Variants in PRKCE observed in about 807,000 individuals in gnomAD.
The protein encoded by PRKCE is protein kinase C epsilon type.
In PRKCE, 16 loss-of-function variants were observed where a neutral mutation model predicts 85.4. That is an observed-to-expected ratio of 0.19 (90% CI 0.13 to 0.28). The LOEUF is 0.28. Ranked by LOEUF, PRKCE falls within the 10% of genes least tolerant of loss-of-function variation. PRKCE has a pLI of 1.00. For missense variants in PRKCE, 573 were observed against 975.2 expected (o/e 0.59, Z 5.49); for synonymous variants, 388 against 371.5 (o/e 1.04, Z -0.51).
intron 1 of PRKCE, among the ~76,000 whole-genome samples, chr2:45,784,248 T>A (rs1485668546): frequency 6.6e-6 from 1 of 152,188 alleles, no homozygotes; most frequent in Non-Finnish European, 1.5e-5. Context: ...GCTGAAGACA[T>A]GGAATTGGAG....
At chr2:46,129,704 A>G (rs1275405104) in intron 11 of PRKCE, among the ~76,000 whole-genome samples, 1 of 152,242 alleles carries the variant, frequency 6.6e-6, no homozygotes, top group Non-Finnish European at 1.5e-5. Flanking sequence ...TGCTGGCTGA[A>G]GGCTGCCCAC....
At chr2:45,798,273 A>G (rs1249472005) in intron 1 of PRKCE, among the ~76,000 whole-genome samples, 1 of 152,244 alleles carries the variant, frequency 6.6e-6, no homozygotes, top group African/African-American at 2.4e-5. Context: ...ATATATGTGG[A>G]GCATATAAGC....
chr2:45,773,358 A>T (rs1161975661), intron 1 of PRKCE, among the ~76,000 whole-genome samples: 2 of 152,186 alleles, frequency 1.3e-5, no homozygotes, highest in African/African-American at 2.4e-5. Flanking sequence ...GTAGTGACAG[A>T]CACTATTCAT....
chr2:46,011,450 C>T (rs531720935), intron 10 of PRKCE, among the ~76,000 whole-genome samples: 6 of 152,258 alleles, frequency 3.9e-5, no homozygotes, highest in Admixed American at 1.3e-4. Context: ...TCATTATATC[C>T]TTCCCGTGTA....
intron 1 of PRKCE, among the ~76,000 whole-genome samples, chr2:45,831,529 G>A (rs1690422474): frequency 6.8e-6 from 1 of 146,814 alleles, no homozygotes. Context: ...TTTTAGGTGT[G>A]TGAGTTTTTT....
chr2:46,033,367 G>C (rs1558984903), intron 10 of PRKCE, among the ~76,000 whole-genome samples: 1 of 152,298 alleles, frequency 6.6e-6, no homozygotes, highest in East Asian at 1.9e-4. Flanking sequence ...CCTGTCTTCT[G>C]ATGGCCCTTG....
At chr2:45,996,122 C>T (rs1704197039) in intron 6 of PRKCE, among the ~76,000 whole-genome samples, 1 of 151,932 alleles carries the variant, frequency 6.6e-6, no homozygotes, top group Admixed American at 6.6e-5. Context: ...GGAATGATAA[C>T]ATAGATGGTA....
At chr2:45,767,261 T>A (rs866904960) in intron 1 of PRKCE, among the ~76,000 whole-genome samples, 17 of 152,032 alleles carry the variant, frequency 1.1e-4, no homozygotes, top group South Asian at 2.1e-4. Context: ...AATACATTGA[T>A]GTTCTTTGAA....
intron 10 of PRKCE, among the ~76,000 whole-genome samples, chr2:46,049,639 G>A (rs1287114765): frequency 6.6e-6 from 1 of 152,122 alleles, no homozygotes; most frequent in Non-Finnish European, 1.5e-5. Context: ...GTAGCTGTGG[G>A]AAAATATTCT....
At chr2:45,843,349 C>T (rs948335559) in intron 2 of PRKCE, among the ~76,000 whole-genome samples, 1 of 152,102 alleles carries the variant, frequency 6.6e-6, no homozygotes, top group African/African-American at 2.4e-5. Flanking sequence ...GGCAGGGCAG[C>T]CTCTCCCAGG....
At chr2:46,081,380 C>A (rs1669061557) in intron 10 of PRKCE, among the ~76,000 whole-genome samples, 1 of 152,214 alleles carries the variant, frequency 6.6e-6, no homozygotes, top group African/African-American at 2.4e-5. Flanking sequence ...ATAACAACTT[C>A]TCTTTCAGGT....
At chr2:46,086,405 A>T in intron 11 of PRKCE, 43 bp downstream of exon 11, 1 of 1,584,334 alleles carries the variant, frequency 6.3e-7, no homozygotes, top group Non-Finnish European at 8.5e-7. Flanking sequence ...TGAAGAAAAT[A>T]AAGGATGCTT....
intron 13 of PRKCE, among the ~76,000 whole-genome samples, chr2:46,152,391 A>G (rs917079412): frequency 6.6e-6 from 1 of 152,074 alleles, no homozygotes; most frequent in African/African-American, 2.4e-5. Flanking sequence ...CATGTTGGCC[A>G]GGCTGGCCTT....
intron 2 of PRKCE, among the ~76,000 whole-genome samples, chr2:45,884,176 C>G (rs988920799): frequency 6.6e-6 from 1 of 152,310 alleles, no homozygotes; most frequent in Non-Finnish European, 1.5e-5. Context: ...TCTGGAGAGG[C>G]CTGGCATCTC....
intron 1 of PRKCE, among the ~76,000 whole-genome samples, chr2:45,692,679 G>A (rs1367908845): frequency 9.9e-5 from 15 of 151,616 alleles, no homozygotes; most frequent in African/African-American, 4.8e-5. Flanking sequence ...ACAAGGGGCC[G>A]GAGCACTGTG....
At chr2:45,662,129 A>G (rs2103758491) in intron 1 of PRKCE, among the ~76,000 whole-genome samples, 1 of 152,270 alleles carries the variant, frequency 6.6e-6, no homozygotes, top group East Asian at 1.9e-4. Flanking sequence ...CATTTGGTAC[A>G]GTGCTGAAAA....
intron 13 of PRKCE, among the ~76,000 whole-genome samples, chr2:46,158,283 T>C (rs1677412596): frequency 6.6e-6 from 1 of 152,142 alleles, no homozygotes; most frequent in African/African-American, 2.4e-5. Context: ...GCCTAGGGAC[T>C]GGAGAGGGAC....
At chr2:45,938,296 A>G (rs1699625129) in intron 2 of PRKCE, among the ~76,000 whole-genome samples, 2 of 152,178 alleles carry the variant, frequency 1.3e-5, no homozygotes, top group South Asian at 4.1e-4. Flanking sequence ...CTATCTGGCA[A>G]TTCAATGCAT....
chr2:45,701,547 C>T (rs73926033), intron 1 of PRKCE: 1 of 152,158 alleles, frequency 6.6e-6, no homozygotes, highest in Non-Finnish European at 1.5e-5. Flanking sequence ...TCTCCAGATT[C>T]TTCTTTGAGG....
Sources: gnomAD v4.1 joint callset for allele counts (sites outside exome capture counted in the v4.1 genomes callset) on GRCh38, gnomAD v4.1.1 for gene constraint, MANE v1.5 for transcripts, NCBI Gene and HGNC (gene_info 2026-07-23, HGNC 2026-07-21) for gene names.